The following FAM171B variants were observed in gnomAD, a reference collection of about 807,000 sequenced individuals.
FAM171B encodes the protein protein FAM171B.
FAM171B carries 19 observed loss-of-function variants against 75.6 expected under a neutral mutation model. That is an observed-to-expected ratio of 0.25 (90% CI 0.18 to 0.37). The LOEUF is 0.37. Among genes scored for constraint, FAM171B ranks in the 10% least tolerant of loss-of-function variants. The pLI, the probability that FAM171B is intolerant of heterozygous loss-of-function variation, is 1.00. For synonymous variants in FAM171B, 367 were observed against 361.7 expected (o/e 1.01, Z -0.17); for missense variants, 848 against 982.4 (o/e 0.86, Z 1.83).
At position 186,759,822 on chromosome 2, in the gene FAM171B, G is replaced by T. The variant is rs534921570; in HGVS notation, c.1013-1291G>T. Among the ~76,000 whole-genome samples, 7 of 151,784 alleles carry T rather than the reference G, an allele frequency of 4.6e-5. No homozygotes were observed. In the East Asian group the frequency reaches 1.4e-3, roughly 29 times the overall value. Reference sequence around the variant, plus strand: ...TTTGATGTTATCCCATTTTTGCTTTGGTTGCCTGTGCTTGCAGGGTATTAC... The same window carrying T: ...TTTGATGTTATCCCATTTTTGCTTTTGTTGCCTGTGCTTGCAGGGTATTAC... On this transcript the variant is annotated intron_variant, in intron 6 of 7. Transcript: ENST00000304698.
chr2:186,710,542 TC>T (rs1171493446), intron 1 of FAM171B, among the ~76,000 whole-genome samples: 1 of 152,132 alleles, frequency 6.6e-6, no homozygotes, highest in Admixed American at 6.5e-5. Context: ...TAGTATCTGT[TC>T]CTGCTGTTTG....
Position 186,747,739 on chromosome 2 carries a change from G to A in FAM171B, c.724+489G>A, listed in dbSNP as rs572678653. On this transcript the variant is annotated intron_variant, in intron 4 of 7. Transcript: ENST00000304698. Reference sequence around the variant, plus strand: ...ATTCTCTGTGTAAAATATAAATATTGAAAATATATGTATTCTAGAGTCAAC... The same window carrying A: ...ATTCTCTGTGTAAAATATAAATATTAAAAATATATGTATTCTAGAGTCAAC... Among the ~76,000 whole-genome samples the A allele has an allele frequency of 3.7e-4, 57 of 152,044 alleles. 1 individual carries two copies. In the South Asian group the frequency reaches 0.01, roughly 28 times the overall value.
At chr2:186,728,846 A>T (rs1276251515) in intron 1 of FAM171B, among the ~76,000 whole-genome samples, 1 of 152,148 alleles carries the variant, frequency 6.6e-6, no homozygotes, top group East Asian at 1.9e-4. Flanking sequence ...TAATAGGATG[A>T]TGTCAGAGTC....
In FAM171B at chr2:186,765,460, G is replaced by T. The variant is rs1690685927; in HGVS notation, c.*2637G>T. 1 of 151,896 alleles carries T rather than the reference G, an allele frequency of 6.6e-6. No individual in the cohort carries two copies. Among genetic ancestry groups the T allele is most frequent in the Non-Finnish European group, 1.5e-5 (1 of 67,912 alleles). The allele number at this position is 151,896 out of a possible 1,614,324, so 9.4% of individuals were successfully genotyped here. A position where few individuals can be genotyped will look rare whatever the true frequency, so the allele number is the denominator to read the frequency against. ...TTATGACTTTATGCAGTTGTATAGG[G>T]ATTATGCCCTTTCAGTTCTATAGGG... On this transcript the variant is annotated 3_prime_UTR_variant, in exon 8 of 8. Transcript: ENST00000304698.
chr2:186,735,941 G>C (rs1321117169), intron 1 of FAM171B, among the ~76,000 whole-genome samples: 1 of 152,104 alleles, frequency 6.6e-6, no homozygotes, highest in Non-Finnish European at 1.5e-5. Context: ...TGATACTAAT[G>C]ACTACTCAAA....
chr2:186,702,577 G>C (rs1238594177), intron 1 of FAM171B, among the ~76,000 whole-genome samples: 3 of 152,048 alleles, frequency 2.0e-5, no homozygotes, highest in Non-Finnish European at 4.4e-5. Context: ...CAATGACTAG[G>C]CTGTATTTTT....
Position 186,764,560 on chromosome 2 carries a change from C to A in FAM171B, c.*1737C>A, listed in dbSNP as rs1327743698. The stretch of plus-strand genomic sequence containing the variant: ...CTTACACAGAAAGATACATCAAAAG[C>A]AGCATGACTCAAAATGATTTGGAAA... On this transcript the variant is annotated 3_prime_UTR_variant, in exon 8 of 8. Coordinates refer to ENST00000304698, the MANE Select transcript of FAM171B (RefSeq NM_177454.4). The A allele has an allele frequency of 1.5e-5, 2 of 134,462 alleles. No individual in the cohort carries two copies. Among genetic ancestry groups the A allele is most frequent in the Admixed American group, 1.7e-4 (2 of 11,982 alleles). 8.3% of individuals were successfully genotyped at this position (134,462 alleles called of 1,614,324 possible).
chr2:186,694,451 C>T (rs1261247749), intron 1 of FAM171B, 40 bp downstream of exon 1: 8 of 1,587,538 alleles, frequency 5.0e-6, no homozygotes, highest in Non-Finnish European at 6.0e-6. Flanking sequence ...CAGTCTCGGC[C>T]GGCGATCTCT....
At chr2:186,707,280 G>T (rs1384699654) in intron 1 of FAM171B, among the ~76,000 whole-genome samples, 1 of 152,082 alleles carries the variant, frequency 6.6e-6, no homozygotes, top group Non-Finnish European at 1.5e-5. Flanking sequence ...TTGATGCTGT[G>T]CTTGCTACTA....
intron 1 of FAM171B, among the ~76,000 whole-genome samples, chr2:186,710,940 T>TAC (rs1689802486): frequency 2.6e-5 from 4 of 152,232 alleles, no homozygotes; most frequent in Admixed American, 2.6e-4. Flanking sequence ...CTTACTTATA[T>TAC]ACACAGGGAG....
intron 5 of FAM171B, among the ~76,000 whole-genome samples, chr2:186,753,462 AATAG>A (rs1023461345): frequency 7.9e-5 from 12 of 152,266 alleles, no homozygotes; most frequent in Non-Finnish European, 1.2e-4. Context: ...TCACAAAATT[AATAG>A]ATAAGTTTTT....
Position 186,765,321 on chromosome 2 carries a change from A to G in FAM171B, c.*2498A>G, listed in dbSNP as rs1690683728. 1 of 151,978 alleles carries G rather than the reference A, an allele frequency of 6.6e-6. No homozygotes were observed. The highest frequency in any genetic ancestry group is 6.6e-5 in the Admixed American group (1 of 15,222). 9.4% of individuals were successfully genotyped at this position (151,978 alleles called of 1,614,324 possible). A position where few individuals can be genotyped will look rare whatever the true frequency, so the allele number is the denominator to read the frequency against. ...TGTCGATCCTTTGTATATACTTTGG[A>G]TATATATTAAAGGCAAAACTATCTC... On this transcript the variant is annotated 3_prime_UTR_variant, in exon 8 of 8. Coordinates refer to ENST00000304698, the MANE Select transcript of FAM171B (RefSeq NM_177454.4).
intron 6 of FAM171B, among the ~76,000 whole-genome samples, chr2:186,755,519 T>G (rs769903265): frequency 5.9e-5 from 9 of 152,194 alleles, no homozygotes; most frequent in Non-Finnish European, 1.3e-4. Context: ...TCATACTGAT[T>G]AGGAATAGTC....
chr2:186,715,786 TAG>T (rs1483250243), intron 1 of FAM171B, among the ~76,000 whole-genome samples: 1 of 152,196 alleles, frequency 6.6e-6, no homozygotes, highest in Non-Finnish European at 1.5e-5. Context: ...GTGTAGCTAG[TAG>T]AGTTTAAGCA....
rs568191455 is a variant in FAM171B, at chr2:186,698,793, C to T, written c.238+4382C>T. On this transcript the variant is annotated intron_variant, in intron 1 of 7. Transcript: ENST00000304698. ...CCACTTCTTCCCCACTCCCAATACCCTTCCCAGACTCTGGTAACCATCATT... is the reference window on the plus strand; with the variant it reads ...CCACTTCTTCCCCACTCCCAATACCTTTCCCAGACTCTGGTAACCATCATT... Among the ~76,000 whole-genome samples the T allele has an allele frequency of 3.9e-5, 6 of 152,282 alleles. No homozygotes were observed. The South Asian group carries it at 1.0e-3, about 26-fold the overall frequency.
rs1358899013 is a variant in FAM171B, at chr2:186,765,505, C to T, written c.*2682C>T. ...ATAGGGATTATGCCCTTTTATAATACATAATATACCACAGAGATTACAAAT... is the reference window on the plus strand; with the variant it reads ...ATAGGGATTATGCCCTTTTATAATATATAATATACCACAGAGATTACAAAT... On this transcript the variant is annotated 3_prime_UTR_variant, in exon 8 of 8. Coordinates refer to ENST00000304698, the MANE Select transcript of FAM171B (RefSeq NM_177454.4). 1.3e-5 allele frequency: 2 copies of T among 151,974 alleles called. No individual in the cohort carries two copies. Among genetic ancestry groups the T allele is most frequent in the African/African-American group, 4.8e-5 (2 of 41,402 alleles). The allele number at this position is 151,974 out of a possible 1,614,324, so 9.4% of individuals were successfully genotyped here.
intron 1 of FAM171B, among the ~76,000 whole-genome samples, chr2:186,721,156 G>T (rs184112628): frequency 6.6e-6 from 1 of 152,174 alleles, no homozygotes; most frequent in East Asian, 1.9e-4. Flanking sequence ...CTCAATCTTG[G>T]CTGTGCACTA....
intron 1 of FAM171B, among the ~76,000 whole-genome samples, chr2:186,724,110 G>A (rs140731445): frequency 7.9e-4 from 121 of 152,312 alleles, no homozygotes; most frequent in African/African-American, 2.9e-3. Context: ...TGAGAAGTGG[G>A]TTAGCACAGC....
intron 1 of FAM171B, among the ~76,000 whole-genome samples, chr2:186,713,095 A>G (rs1371795461): frequency 6.6e-6 from 1 of 152,232 alleles, no homozygotes; most frequent in African/African-American, 2.4e-5. Flanking sequence ...TGGACAAGAA[A>G]GACCTTGGTG....
Sources: allele counts gnomAD v4.1 joint callset (sites outside exome capture counted in the v4.1 genomes callset), GRCh38; gene constraint gnomAD v4.1.1; transcripts MANE v1.5; gene names NCBI Gene and HGNC (gene_info 2026-07-23, HGNC 2026-07-21).